OXR1: variants seen among roughly 807,000 people sequenced by gnomAD.
OXR1 encodes the protein oxidation resistance 1.
Under a neutral mutation model 104.6 loss-of-function variants are expected in OXR1, and 41 were observed. That is an observed-to-expected ratio of 0.39 (90% CI 0.31 to 0.51). The LOEUF is 0.51. OXR1 is among the 20% of genes least tolerant of loss of function. The probability of loss-of-function intolerance (pLI) is 0.77; values close to 1 mark genes in which losing one functional copy is unlikely to be tolerated. For missense variants in OXR1, 955 were observed against 1,031.9 expected, an observed-to-expected ratio of 0.93 and a Z score of 1.02; for synonymous variants, 348 against 348.4, an observed-to-expected ratio of 1.00 and a Z score of 0.01.
At chr8:106,493,505 C>G (rs1394456998) in intron 2 of OXR1, among the ~76,000 whole-genome samples, 1 of 89,632 alleles carries the variant, frequency 1.1e-5, no homozygotes, top group African/African-American at 4.5e-5. Flanking sequence ...GAGGATGGGC[C>G]CCAGGAATAA....
At chr8:106,292,488 A>T (rs141958402) in intron 1 of OXR1, among the ~76,000 whole-genome samples, 434 of 152,308 alleles carry the variant, frequency 2.8e-3, no homozygotes, top group African/African-American at 0.01. Context: ...CATTAAATTT[A>T]TGGATGGAAA....
At chr8:106,585,310 G>A (rs1211901132) in intron 3 of OXR1, among the ~76,000 whole-genome samples, 1 of 152,002 alleles carries the variant, frequency 6.6e-6, no homozygotes, top group Non-Finnish European at 1.5e-5. Flanking sequence ...TTCTTTCAGT[G>A]GGACTTCTAA....
chr8:106,686,708 A>G (rs1828764369), intron 6 of OXR1, among the ~76,000 whole-genome samples: 1 of 152,154 alleles, frequency 6.6e-6, no homozygotes, highest in Non-Finnish European at 1.5e-5. Context: ...AAATTTTTTG[A>G]ATGTCCAGCT....
At position 106,290,404 on chromosome 8, in the gene OXR1, T is replaced by C. The variant is rs187919027; in HGVS notation, c.-139+20037T>C. ...GACATTAGCTTTGGCAAAGAATGTT[T>C]TGCTAAGTCCCAAAAAGCAATTGCA... On this transcript the variant is annotated intron_variant, in intron 1 of 16. Transcript: ENST00000517566. Among the ~76,000 whole-genome samples, 3 of 152,276 alleles carry C rather than the reference T, an allele frequency of 2.0e-5. No homozygotes were observed. The East Asian group carries it at 5.8e-4, about 29-fold the overall frequency.
At chr8:106,440,530 A>G (rs542329135) in intron 2 of OXR1, among the ~76,000 whole-genome samples, 69 of 152,274 alleles carry the variant, frequency 4.5e-4, no homozygotes, top group Middle Eastern at 3.4e-3. Flanking sequence ...GGGTGATAGA[A>G]TAATTTCCAA....
intron 14 of OXR1, 151 bp from the exon 15 acceptor site, chr8:106,742,071 C>T: frequency 1.8e-6 from 1 of 565,452 alleles, no homozygotes; most frequent in South Asian, 2.2e-5. Context: ...AATTATATAG[C>T]AGCTAACCAT....
chr8:106,285,053 G>A (rs1812440766), intron 1 of OXR1, among the ~76,000 whole-genome samples: 1 of 152,022 alleles, frequency 6.6e-6, no homozygotes, highest in Non-Finnish European at 1.5e-5. Flanking sequence ...GTGCCATGTT[G>A]GTGTGCTGCA....
intron 3 of OXR1, among the ~76,000 whole-genome samples, chr8:106,534,133 C>T (rs1460822487): frequency 6.6e-6 from 1 of 152,130 alleles, no homozygotes; most frequent in Non-Finnish European, 1.5e-5. Flanking sequence ...CAGATGCTGA[C>T]TCAACAGATC....
intron 2 of OXR1, among the ~76,000 whole-genome samples, chr8:106,461,396 A>G (rs1194963089): frequency 6.6e-6 from 1 of 152,008 alleles, no homozygotes; most frequent in African/African-American, 2.4e-5. Context: ...ACATGGTGAA[A>G]CCCCATCTCT....
chr8:106,685,398 G>T (rs1265801533), intron 6 of OXR1, among the ~76,000 whole-genome samples: 1 of 152,092 alleles, frequency 6.6e-6, no homozygotes, highest in African/African-American at 2.4e-5. Context: ...GAAACCTGTG[G>T]GGTCTCTTCC....
intron 3 of OXR1, among the ~76,000 whole-genome samples, chr8:106,608,499 C>G (rs1820572506): frequency 6.6e-6 from 1 of 152,054 alleles, no homozygotes. Context: ...CTAGTACTGT[C>G]AGACATCTGC....
chr8:106,276,655 T>G (rs1812051737), intron 1 of OXR1, among the ~76,000 whole-genome samples: 1 of 152,064 alleles, frequency 6.6e-6, no homozygotes, highest in African/African-American at 2.4e-5. Context: ...GCTTATTTTC[T>G]TGGTTAAATC....
intron 3 of OXR1, among the ~76,000 whole-genome samples, chr8:106,553,207 T>TAATCA (rs1554592735): frequency 2.0e-5 from 3 of 149,408 alleles, no homozygotes; most frequent in Non-Finnish European, 3.0e-5. Flanking sequence ...AGTACAGTAA[T>TAATCA]AATAAAATAA....
At chr8:106,537,276 T>C (rs1814608218) in intron 3 of OXR1, among the ~76,000 whole-genome samples, 1 of 152,170 alleles carries the variant, frequency 6.6e-6, no homozygotes, top group African/African-American at 2.4e-5. Flanking sequence ...CATTAGATGA[T>C]GCAAAAGCTA....
intron 16 of OXR1, 53 bp downstream of exon 16, chr8:106,745,915 A>G: frequency 1.1e-6 from 1 of 910,886 alleles, no homozygotes; most frequent in Non-Finnish European, 1.8e-6. Context: ...TTAAAAATGC[A>G]TTTGGATTAT....
Position 106,518,955 on chromosome 8 carries a change from G to C in OXR1, c.36G>C (p.Lys12Asn). The C allele has an allele frequency of 6.4e-7, 1 of 1,550,530 alleles. No homozygotes were observed. Among genetic ancestry groups the C allele is most frequent in the Non-Finnish European group, 8.7e-7 (1 of 1,146,268 alleles). Residue 12 changes from lysine (K) to asparagine (N), a missense_variant, in exon 3 of 17, where the codon AAG becomes AAC. Lys to Asn is a moderately conservative substitution (Grantham distance 94, BLOSUM62 0). Coordinates refer to ENST00000517566, the MANE Select transcript of OXR1 (RefSeq NM_001198533.2). ...TCTTTACTTGTAGGCTGAAGAAAAA[G>C]TCCCAGTCGGTGGATATTAATGCTC... is the stretch of plus-strand genomic sequence containing the variant. ...SVSNLSWLKKKSQSVDINAPG... is the reference protein window; with the variant it reads ...SVSNLSWLKKNSQSVDINAPG...
At chr8:106,410,006 A>G (rs564470807) in intron 2 of OXR1, among the ~76,000 whole-genome samples, 156 of 139,846 alleles carry the variant, frequency 1.1e-3, no homozygotes, top group Non-Finnish European at 3.4e-4. Context: ...ACAAACACAC[A>G]CACACACACA....
chr8:106,439,819 AC>A (rs1260259745), intron 2 of OXR1, among the ~76,000 whole-genome samples: 5 of 152,084 alleles, frequency 3.3e-5, no homozygotes, highest in African/African-American at 7.2e-5. Flanking sequence ...TGAATGAGAA[AC>A]CCGATATAAA....
At chr8:106,655,094 C>T (rs919930014) in intron 3 of OXR1, among the ~76,000 whole-genome samples, 3 of 152,068 alleles carry the variant, frequency 2.0e-5, no homozygotes, top group Non-Finnish European at 4.4e-5. Flanking sequence ...AAGGCAAATC[C>T]ACCGAGGCAG....
Sources: gnomAD v4.1 joint callset for allele counts (sites outside exome capture counted in the v4.1 genomes callset) on GRCh38, gnomAD v4.1.1 for gene constraint, MANE v1.5 for transcripts, NCBI Gene and HGNC (gene_info 2026-07-23, HGNC 2026-07-21) for gene names.